PKM: variants seen among roughly 807,000 people sequenced by gnomAD.
The protein encoded by PKM is pyruvate kinase M1/2, also known as pyruvate kinase PKM.
Under a neutral mutation model 49.8 loss-of-function variants are expected in PKM, and 18 were observed. That is an observed-to-expected ratio of 0.36 (90% CI 0.25 to 0.54). The LOEUF is 0.54. Ranked by LOEUF, PKM falls within the 20% of genes least tolerant of loss-of-function variation. The probability of loss-of-function intolerance (pLI) is 0.89; values close to 1 mark genes in which losing one functional copy is unlikely to be tolerated. For missense variants in PKM, 508 were observed against 713.8 expected (o/e 0.71, Z 3.28); for synonymous variants, 239 against 261.8 (o/e 0.91, Z 0.84).
At chr15:72,228,440 C>T (rs2082747116) in intron 1 of PKM, 2 of 231,810 alleles carry the variant, frequency 8.6e-6, no homozygotes, top group Middle Eastern at 1.1e-3. Context: ...TGCAGTGGCG[C>T]GATCTCGGCT....
chr15:72,230,035 C>T (rs1297949302), intron 1 of PKM, among the ~76,000 whole-genome samples: 2 of 152,174 alleles, frequency 1.3e-5, no homozygotes, highest in Admixed American at 6.5e-5. Context: ...CGTTACGAGG[C>T]CCAAGGCCAT....
At chr15:72,206,445 C>A in intron 8 of PKM, 1 of 474,034 alleles carries the variant, frequency 2.1e-6, no homozygotes, top group Non-Finnish European at 3.9e-6. Context: ...GAATTCACAA[C>A]CTTGAAGTCA....
chr15:72,203,621 T>C, intron 8 of PKM: 1 of 273,540 alleles, frequency 3.7e-6, no homozygotes, highest in Non-Finnish European at 7.2e-6. Flanking sequence ...CTGCCCAGCC[T>C]CCATGCATGC....
intron 1 of PKM, among the ~76,000 whole-genome samples, chr15:72,230,059 G>C (rs1282232544): frequency 2.0e-5 from 3 of 152,310 alleles, no homozygotes; most frequent in Middle Eastern, 3.4e-3. Context: ...CCGGTGAAGC[G>C]GGGTGGGCCC....
At chr15:72,207,548 C>T (rs949963180) in intron 6 of PKM, among the ~76,000 whole-genome samples, 9 of 152,234 alleles carry the variant, frequency 5.9e-5, no homozygotes, top group African/African-American at 1.9e-4. Flanking sequence ...CAAATGGGCT[C>T]ATTCCCAAGG....
chr15:72,227,365 G>A (rs892332189), intron 1 of PKM, among the ~76,000 whole-genome samples: 2 of 152,338 alleles, frequency 1.3e-5, no homozygotes, highest in South Asian at 2.1e-4. Context: ...TCAGAAAGAA[G>A]GGTAATGTCA....
chr15:72,231,002 A>G (rs1024920394), intron 1 of PKM, 114 bp downstream of exon 1: 36 of 1,266,152 alleles, frequency 2.8e-5, no homozygotes, highest in Middle Eastern at 3.2e-4. Context: ...GACGCCCTGG[A>G]TCCTGCGCCG....
Position 72,202,352 on chromosome 15 carries a change from G to T in PKM, c.1307+102C>A. On this transcript the variant is annotated intron_variant, in intron 9 of 10. Coordinates refer to ENST00000335181, the MANE Select transcript of PKM (RefSeq NM_002654.6). The surrounding 1 kb of genome is among the most constrained non-coding windows in gnomAD (Gnocchi z 4.5). ...GTGGCAGGCAGAGGGGTCTTACCTT[G>T]GCTCAGTGCCACCTGAGCATTGTTC... 2.5e-6 allele frequency: 3 copies of T among 1,221,906 alleles called. No homozygotes were observed. Among genetic ancestry groups the T allele is most frequent in the Non-Finnish European group, 3.5e-6 (3 of 852,214 alleles). The allele number at this position is 1,221,906 out of a possible 1,614,324, so 75.7% of individuals were successfully genotyped here.
At chr15:72,220,438 A>G (rs888432191) in intron 1 of PKM, among the ~76,000 whole-genome samples, 1 of 152,154 alleles carries the variant, frequency 6.6e-6, no homozygotes, top group African/African-American at 2.4e-5. Flanking sequence ...GCCATCTCCA[A>G]AGAAGGCCCG....
chr15:72,220,894 C>G (rs2082503652), intron 1 of PKM, among the ~76,000 whole-genome samples: 1 of 152,218 alleles, frequency 6.6e-6, no homozygotes, highest in Non-Finnish European at 1.5e-5. Flanking sequence ...CGCATACCTT[C>G]AGAGCTCCCA....
chr15:72,214,877 T>C (rs1317545075), intron 3 of PKM, among the ~76,000 whole-genome samples: 1 of 152,008 alleles, frequency 6.6e-6, no homozygotes, highest in Admixed American at 6.6e-5. Context: ...ATCTTGCCCA[T>C]GTGAACTGCC....
At chr15:72,228,817 A>G (rs2082760650) in intron 1 of PKM, 2 of 329,062 alleles carry the variant, frequency 6.1e-6, no homozygotes, top group Non-Finnish European at 6.0e-6. Flanking sequence ...CACCCTCAAG[A>G]CGGCCAACTG....
chr15:72,220,990 G>A (rs2082506496), intron 1 of PKM, among the ~76,000 whole-genome samples: 1 of 152,202 alleles, frequency 6.6e-6, no homozygotes, highest in East Asian at 1.9e-4. Flanking sequence ...GCTTTGCTGT[G>A]GCCTCCAATG....
intron 1 of PKM, among the ~76,000 whole-genome samples, chr15:72,224,159 A>G (rs2082599985): frequency 1.3e-5 from 2 of 152,180 alleles, no homozygotes; most frequent in Admixed American, 6.5e-5. Context: ...TGCTCAGTGC[A>G]GAGAACTGGT....
intron 1 of PKM, among the ~76,000 whole-genome samples, chr15:72,225,844 G>A (rs917778478): frequency 6.6e-6 from 1 of 152,140 alleles, no homozygotes; most frequent in Admixed American, 6.5e-5. Context: ...TACTGTGTGA[G>A]TTTCTATATA....
At chr15:72,211,811 G>GA (rs575356129) in intron 3 of PKM, among the ~76,000 whole-genome samples, 303 of 91,708 alleles carry the variant, frequency 3.3e-3, no homozygotes, top group East Asian at 6.7e-3. Context: ...CCTATCTCAA[G>GA]AAAAAAAAAA....
intron 3 of PKM, among the ~76,000 whole-genome samples, chr15:72,212,886 A>G (rs572523788): frequency 7.9e-5 from 12 of 152,248 alleles, no homozygotes; most frequent in Admixed American, 3.9e-4. Context: ...CCTGGCTAAC[A>G]TGGTGAAACC....
rs781245945 is a variant in PKM at position 72,206,812 on chromosome 15, G to A, written c.1056C>T (p.Val352=). ...GCATGATGCAGTCGGCTCCATCCAGGACTGCATTGGCCACATCACTGCCTT... is the reference window on the plus strand; with the variant it reads ...GCATGATGCAGTCGGCTCCATCCAGAACTGCATTGGCCACATCACTGCCTT... ...RAEGSDVANA[V]LDGADCIMLS... is the part of the protein sequence containing the mutation. The change falls in exon 8 of 11, where the codon GTC becomes GTT. Residue 352 remains valine (V), a synonymous_variant. Coordinates refer to ENST00000335181, the MANE Select transcript of PKM (RefSeq NM_002654.6). 5.0e-6 allele frequency: 8 copies of A among 1,614,054 alleles called. No individual in the cohort carries two copies. In the African/African-American group the frequency reaches 5.3e-5, roughly 11 times the overall value.
At chr15:72,230,959 C>A (rs1567139634) in intron 1 of PKM, 157 bp downstream of exon 1, 1 of 1,286,700 alleles carries the variant, frequency 7.8e-7, no homozygotes, top group Non-Finnish European at 1.0e-6. Flanking sequence ...CGTGAGGAGC[C>A]GTTCTCCTCT....
Sources: gnomAD v4.1 joint callset for allele counts (sites outside exome capture counted in the v4.1 genomes callset) on GRCh38, gnomAD v4.1.1 for gene constraint, Gnocchi (gnomAD v3.1) non-coding constraint, MANE v1.5 for transcripts, NCBI Gene and HGNC (gene_info 2026-07-23, HGNC 2026-07-21) for gene names.